RIN2: variants seen among roughly 807,000 people sequenced by gnomAD.
The protein encoded by RIN2 is RAB5 interacting protein 2.
RIN2 carries 36 observed loss-of-function variants against 78.0 expected under a neutral mutation model. The ratio of observed to expected loss-of-function variants is 0.46; its 90% confidence interval spans 0.35 to 0.61. RIN2 has a LOEUF of 0.61. Among genes scored for constraint, RIN2 ranks in the 20% least tolerant of loss-of-function variants. The pLI is 0.00. For synonymous variants in RIN2, 466 were observed against 466.8 expected (o/e 1.00, Z 0.02); for missense variants, 1,087 against 1,159.7 (o/e 0.94, Z 0.91).
chr20:19,956,257 C>CAAAAAAAAAAAAA (rs11483774), intron 4 of RIN2, among the ~76,000 whole-genome samples: 2 of 50,722 alleles, frequency 3.9e-5, no homozygotes, highest in African/African-American at 1.5e-4. Context: ...GACTCCATCT[C>CAAAAAAAAAAAAA]AAAAAAAAAA....
intron 2 of RIN2, among the ~76,000 whole-genome samples, chr20:19,812,296 T>C (rs930401560): frequency 6.6e-6 from 1 of 152,190 alleles, no homozygotes; most frequent in South Asian, 2.1e-4. Context: ...TACCCAACTG[T>C]TTTCCGAAGA....
intron 2 of RIN2, among the ~76,000 whole-genome samples, chr20:19,808,909 G>A (rs563861585): frequency 5.3e-5 from 8 of 152,186 alleles, no homozygotes; most frequent in Middle Eastern, 3.2e-3. Context: ...GGGCAGAGCC[G>A]GCCTAAAGGG....
intron 1 of RIN2, among the ~76,000 whole-genome samples, chr20:19,782,120 G>A (rs2034529397): frequency 6.6e-6 from 1 of 152,104 alleles, no homozygotes; most frequent in South Asian, 2.1e-4. Context: ...AAAGATGAAT[G>A]GAGAATTATT....
At chr20:19,761,162 C>T (rs1027886529) in intron 1 of RIN2, among the ~76,000 whole-genome samples, 4 of 152,142 alleles carry the variant, frequency 2.6e-5, no homozygotes, top group African/African-American at 7.2e-5. Context: ...GTATCTCAGT[C>T]GTTTCTCACA....
intron 4 of RIN2, among the ~76,000 whole-genome samples, chr20:19,940,576 G>A (rs996186442): frequency 2.8e-4 from 42 of 152,168 alleles, no homozygotes; most frequent in African/African-American, 9.9e-4. Context: ...ATGGAAGCCC[G>A]TAAGCCAGGG....
In RIN2 at chr20:19,903,907, T is replaced by G. The variant is rs528530592; in HGVS notation, c.57+14249T>G. On this transcript the variant is annotated intron_variant, in intron 3 of 12. Coordinates refer to ENST00000255006, the MANE Select transcript of RIN2 (RefSeq NM_018993.4). ...GAGAGAGTGTCTTACTGAATTTGTA[T>G]TACCTGGGCTGAGCTCAGTACCTGG... 1.2e-3 allele frequency among the ~76,000 whole-genome samples: 190 copies of G among 152,334 alleles called. 1 individual carries two copies. Among genetic ancestry groups the G allele is most frequent in the Middle Eastern group, 0.01 (3 of 294 alleles).
At chr20:19,983,812 A>G (rs2042538249) in intron 9 of RIN2, among the ~76,000 whole-genome samples, 2 of 152,058 alleles carry the variant, frequency 1.3e-5, no homozygotes, top group Non-Finnish European at 1.5e-5. Flanking sequence ...TAATTTTTCC[A>G]CCCTCACCTC....
intron 1 of RIN2, among the ~76,000 whole-genome samples, chr20:19,758,768 G>C (rs139527282): frequency 3.9e-5 from 6 of 152,226 alleles, no homozygotes; most frequent in Admixed American, 1.3e-4. Flanking sequence ...GGGGTGTCAA[G>C]TGCTCCCTGC....
chr20:19,840,778 C>A (rs555195786), intron 2 of RIN2, among the ~76,000 whole-genome samples: 5 of 152,286 alleles, frequency 3.3e-5, no homozygotes, highest in Admixed American at 3.3e-4. Flanking sequence ...TCCACAAGCT[C>A]CTTTCATGGG....
intron 3 of RIN2, among the ~76,000 whole-genome samples, chr20:19,912,174 G>A (rs1231573098): frequency 6.6e-6 from 1 of 152,230 alleles, no homozygotes; most frequent in African/African-American, 2.4e-5. Flanking sequence ...ACTGGACCCA[G>A]ACAAGTTTCT....
intron 3 of RIN2, among the ~76,000 whole-genome samples, chr20:19,921,969 G>A (rs1347081830): frequency 6.6e-6 from 1 of 152,188 alleles, no homozygotes; most frequent in Non-Finnish European, 1.5e-5. Flanking sequence ...GGGTTCAAGC[G>A]ATTCTGCTGC....
intron 2 of RIN2, among the ~76,000 whole-genome samples, chr20:19,844,579 C>CTG (rs2036675992): frequency 7.2e-6 from 1 of 137,954 alleles, no homozygotes; most frequent in African/African-American, 2.7e-5. Context: ...TAGAGAGCTG[C>CTG]TGCTGCTGCT....
chr20:19,798,616 ATATACGTGTGTGTGTGCACGTGTGTG>A (rs1221401775), intron 1 of RIN2, among the ~76,000 whole-genome samples: 1 of 152,068 alleles, frequency 6.6e-6, no homozygotes, highest in Non-Finnish European at 1.5e-5. Context: ...AAAGAAACAC[ATATACGTGTGTGTGTGCACGTGTGTG>A]CATGTGTGTT....
chr20:19,942,928 G>A (rs964798457), intron 4 of RIN2, among the ~76,000 whole-genome samples: 11 of 152,214 alleles, frequency 7.2e-5, no homozygotes, highest in Admixed American at 6.5e-4. Flanking sequence ...TTGCATTGCT[G>A]CTATATTGGC....
chr20:19,810,683 C>CT (rs535994979), intron 2 of RIN2, among the ~76,000 whole-genome samples: 1,107 of 99,590 alleles, frequency 0.011, 178 homozygotes, highest in Non-Finnish European at 0.015. Context: ...TTATAAGGTA[C>CT]TTTTTTTTTT....
chr20:19,880,918 C>G (rs958885654), intron 2 of RIN2, among the ~76,000 whole-genome samples: 1 of 152,178 alleles, frequency 6.6e-6, no homozygotes, highest in Non-Finnish European at 1.5e-5. Context: ...ACAGACCGAA[C>G]ATATGGCTTC....
At chr20:19,905,917 A>G (rs2039200792) in intron 3 of RIN2, among the ~76,000 whole-genome samples, 1 of 152,216 alleles carries the variant, frequency 6.6e-6, no homozygotes, top group Non-Finnish European at 1.5e-5. Context: ...TTTGCTGACC[A>G]CTGACTTAGG....
intron 2 of RIN2, among the ~76,000 whole-genome samples, chr20:19,844,601 C>CTCCTCCTCT (rs1208033131): frequency 1.6e-5 from 2 of 123,022 alleles, no homozygotes; most frequent in East Asian, 2.3e-4. Context: ...CTGCTTCTTC[C>CTCCTCCTCT]TCTTCTTCTT....
intron 3 of RIN2, among the ~76,000 whole-genome samples, chr20:19,918,317 C>CA (rs1271671355): frequency 1.3e-5 from 2 of 150,816 alleles, no homozygotes; most frequent in African/African-American, 4.9e-5. Context: ...GGATAATTTT[C>CA]AAAAAACGAA....
Sources: gnomAD v4.1 joint callset for allele counts (sites outside exome capture counted in the v4.1 genomes callset) on GRCh38, gnomAD v4.1.1 for gene constraint, MANE v1.5 for transcripts, NCBI Gene and HGNC (gene_info 2026-07-23, HGNC 2026-07-21) for gene names.